DSCAML1: variants seen among roughly 807,000 people sequenced by gnomAD.
DSCAML1 encodes cell adhesion molecule DSCAML1.
DSCAML1 carries 38 observed loss-of-function variants against 200.5 expected under a neutral mutation model. That is an observed-to-expected ratio of 0.19 (90% confidence interval 0.15 to 0.25). The LOEUF (loss-of-function observed/expected upper bound fraction) is 0.25, where lower values mean the gene tolerates loss of function less well. Among genes scored for constraint, DSCAML1 ranks in the 10% least tolerant of loss-of-function variants. The pLI is 1.00. For missense variants in DSCAML1, 2,223 were observed against 2,858.8 expected, an observed-to-expected ratio of 0.78 and a Z score of 5.07; for synonymous variants, 1,215 against 1,165.0, an observed-to-expected ratio of 1.04 and a Z score of -0.87.
In DSCAML1 at chr11:117,428,686, C is replaced by T. The variant is rs764639033; in HGVS notation, c.5804G>A (p.Arg1935Gln). 29 of 1,612,612 alleles carry T rather than the reference C, an allele frequency of 1.8e-5. 1 individual carries two copies. The highest frequency in any genetic ancestry group is 3.3e-4 in the Middle Eastern group (2 of 6,052). The change falls in exon 33 of 33, where the codon CGA becomes CAA. Residue 1935 changes from arginine to glutamine, a missense_variant. By Grantham distance (43) the Arg-to-Gln change is conservative. Around this residue, in one of 7 missense-constraint regions of DSCAML1, gnomAD observed 280 missense variants for 213.4 expected, o/e 1.31. Coordinates refer to ENST00000651296, the MANE Select transcript of DSCAML1 (RefSeq NM_020693.4). ...GTGGCGAGCCTGGGTGTGGTAGGTT[C>T]GAGCCAGGTTCCGGATGGAGGCCTC... ...PREASIRNLA[R>Q]TYHTQARHLT... is the part of the protein sequence containing the mutation.
chr11:117,645,749 G>T lies in DSCAML1; in HGVS notation c.512-113227C>A, dbSNP rs1368948704. Among the ~76,000 whole-genome samples the T allele has an allele frequency of 3.3e-5, 4 of 122,644 alleles. No individual in the cohort carries two copies. The East Asian group carries it at 1.0e-3, about 32-fold the overall frequency. The allele number at this position is 122,644 out of a possible 152,430, so 80.5% of individuals were successfully genotyped here. A position where few individuals can be genotyped will look rare whatever the true frequency, so the allele number is the denominator to read the frequency against. On this transcript the variant is annotated intron_variant, in intron 3 of 32. Transcript: ENST00000651296. The stretch of plus-strand genomic sequence containing the variant: ...GGAACATCACACTCTGGGGACTGTG[G>T]TGGGGTGGGGGGAGGGGGGAGGGAT...
chr11:117,636,538 C>T (rs2052287112), intron 3 of DSCAML1, among the ~76,000 whole-genome samples: 1 of 152,156 alleles, frequency 6.6e-6, no homozygotes. Context: ...GAGGCCCATG[C>T]CCCACAGACA....
chr11:117,789,536 C>A (rs1028924151), intron 1 of DSCAML1, among the ~76,000 whole-genome samples: 3 of 152,188 alleles, frequency 2.0e-5, no homozygotes, highest in Non-Finnish European at 4.4e-5. Flanking sequence ...GTGCTGTCTC[C>A]AGTGTTCTCT....
chr11:117,672,981 C>T (rs36045872), intron 3 of DSCAML1, among the ~76,000 whole-genome samples: 5,521 of 152,290 alleles, frequency 0.036, 133 homozygotes, highest in Middle Eastern at 0.082. Flanking sequence ...CTCCAGGAAG[C>T]CTCCCCAGAC....
intron 3 of DSCAML1, among the ~76,000 whole-genome samples, chr11:117,746,737 G>A (rs2054524913): frequency 6.6e-6 from 1 of 152,128 alleles, no homozygotes; most frequent in African/African-American, 2.4e-5. Flanking sequence ...CAAACACACA[G>A]GGCTCTGTTA....
chr11:117,765,059 G>A (rs1395191171), intron 3 of DSCAML1, among the ~76,000 whole-genome samples: 1 of 152,168 alleles, frequency 6.6e-6, no homozygotes, highest in Non-Finnish European at 1.5e-5. Context: ...CTAAAGGCTT[G>A]GGTATTCAGA....
chr11:117,799,638 A>C (rs1392553756), upstream of DSCAML1, among the ~76,000 whole-genome samples: 1 of 152,148 alleles, frequency 6.6e-6, no homozygotes, highest in East Asian at 1.9e-4. Context: ...AAGCTTTCTA[A>C]TGTCATGGTT....
At chr11:117,438,466 G>A (rs773281630) in intron 24 of DSCAML1, among the ~76,000 whole-genome samples, 3 of 152,150 alleles carry the variant, frequency 2.0e-5, no homozygotes, top group Non-Finnish European at 4.4e-5. Flanking sequence ...AGCAGGCTCA[G>A]AAGCACCTGG....
At chr11:117,646,289 A>G (rs1336990009) in intron 3 of DSCAML1, among the ~76,000 whole-genome samples, 3 of 151,766 alleles carry the variant, frequency 2.0e-5, no homozygotes, top group Admixed American at 6.6e-5. Context: ...GACTCCCTGG[A>G]GAGGTGTGGA....
chr11:117,589,305 C>T (rs969629554), intron 3 of DSCAML1, among the ~76,000 whole-genome samples: 1 of 152,244 alleles, frequency 6.6e-6, no homozygotes, highest in African/African-American at 2.4e-5. Flanking sequence ...GCAGCCCGTC[C>T]TCCTGTCACG....
intron 3 of DSCAML1, among the ~76,000 whole-genome samples, chr11:117,690,668 C>A (rs1040937660): frequency 3.3e-5 from 5 of 152,230 alleles, no homozygotes; most frequent in African/African-American, 1.2e-4. Context: ...ACCTCTGGAC[C>A]ATGCTCACCC....
chr11:117,550,488 G>T (rs2050449006), intron 3 of DSCAML1, among the ~76,000 whole-genome samples: 1 of 152,078 alleles, frequency 6.6e-6, no homozygotes, highest in South Asian at 2.1e-4. Flanking sequence ...GACATTAGCT[G>T]CTGCCCATGG....
upstream of DSCAML1, among the ~76,000 whole-genome samples, chr11:117,797,447 G>A (rs138646154): frequency 6.6e-6 from 1 of 152,330 alleles, no homozygotes; most frequent in East Asian, 1.9e-4. Context: ...GTCACCCACC[G>A]GCTTGGAGCC....
At position 117,480,597 on chromosome 11, in the gene DSCAML1, G is replaced by A. The variant is rs771455188; in HGVS notation, c.2657-26C>T. On this transcript the variant is annotated intron_variant, in intron 13 of 32. Transcript: ENST00000651296. The surrounding 1 kb of genome is among the most constrained non-coding windows in gnomAD (Gnocchi z 4.1). ...CTAGGGTGCGGCAGTGGAGGGGAGG[G>A]AAGTGAGGAGGGCAGCAGGGAGCTT... 7 of 1,551,294 alleles carry A rather than the reference G, an allele frequency of 4.5e-6. No homozygotes were observed. The highest frequency in any genetic ancestry group is 6.1e-6 in the Non-Finnish European group (7 of 1,147,152).
At chr11:117,548,684 CGAGTG>C (rs2050421393) in intron 3 of DSCAML1, among the ~76,000 whole-genome samples, 2 of 152,166 alleles carry the variant, frequency 1.3e-5, no homozygotes, top group Non-Finnish European at 2.9e-5. Context: ...TGGGAATTCC[CGAGTG>C]CACCGTTAGT....
At chr11:117,782,468 G>A (rs1318412749) in intron 1 of DSCAML1, among the ~76,000 whole-genome samples, 3 of 152,142 alleles carry the variant, frequency 2.0e-5, no homozygotes, top group Non-Finnish European at 4.4e-5. Context: ...ACATGGCCTC[G>A]CCATTCTCCT....
At chr11:117,528,641 T>A (rs2050021258) in intron 4 of DSCAML1, among the ~76,000 whole-genome samples, 1 of 152,166 alleles carries the variant, frequency 6.6e-6, no homozygotes, top group East Asian at 1.9e-4. Flanking sequence ...ACCAGGAGCA[T>A]GGCTTCTGCA....
chr11:117,783,436 T>C (rs1372372431), intron 1 of DSCAML1, among the ~76,000 whole-genome samples: 1 of 152,156 alleles, frequency 6.6e-6, no homozygotes, highest in Non-Finnish European at 1.5e-5. Flanking sequence ...CCCTCTGTAA[T>C]GATAATAGTA....
chr11:117,593,178 G>A (rs891817525), intron 3 of DSCAML1, among the ~76,000 whole-genome samples: 1 of 152,246 alleles, frequency 6.6e-6, no homozygotes, highest in Non-Finnish European at 1.5e-5. Flanking sequence ...TCCTGCCCTC[G>A]GCGGTGCCCA....
Sources: allele counts gnomAD v4.1 joint callset (sites outside exome capture counted in the v4.1 genomes callset), GRCh38; gene constraint gnomAD v4.1.1; regional missense constraint gnomAD v4.1.1; non-coding constraint Gnocchi (gnomAD v3.1); transcripts MANE v1.5; gene names NCBI Gene and HGNC (gene_info 2026-07-23, HGNC 2026-07-21).